FSD2: variants seen among roughly 807,000 people sequenced by gnomAD.
The protein encoded by FSD2 is fibronectin type III and SPRY domain containing 2.
Under a neutral mutation model 80.4 loss-of-function variants are expected in FSD2, and 71 were observed. The ratio of observed to expected loss-of-function variants is 0.88; its 90% CI spans 0.73 to 1.08. The LOEUF is 1.08. Ranked by LOEUF, FSD2 falls within the 50% of genes least tolerant of loss-of-function variation. The probability of loss-of-function intolerance (pLI) is 0.00; values close to 1 mark genes in which losing one functional copy is unlikely to be tolerated. For missense variants in FSD2, 923 were observed against 913.8 expected (o/e 1.01, Z -0.13); for synonymous variants, 361 against 329.5 (o/e 1.10, Z -1.03).
At position 82,787,387 on chromosome 15, in the gene FSD2, C is replaced by T. The variant is rs1462617122; in HGVS notation, c.4G>A (p.Glu2Lys). 1.2e-6 allele frequency: 2 copies of T among 1,601,332 alleles called. No homozygotes were observed. Among genetic ancestry groups the T allele is most frequent in the South Asian group, 2.2e-5 (2 of 88,956 alleles). M[E>K]EESGEELGLD... Reference sequence around the variant, plus strand: ...CCCAGTTCCTCCCCCGATTCCTCCTCCATTGTAACTCTGGAAGTCCTCAGA... The same window carrying T: ...CCCAGTTCCTCCCCCGATTCCTCCTTCATTGTAACTCTGGAAGTCCTCAGA... Residue 2 changes from glutamate to lysine, a missense_variant, in exon 2 of 13, where the codon GAG (glutamate) becomes AAG (lysine). Coordinates refer to ENST00000334574, the MANE Select transcript of FSD2 (RefSeq NM_001007122.4).
At position 82,769,046 on chromosome 15, in the gene FSD2, A is replaced by G. The variant is rs1261781293; in HGVS notation, c.1403-16T>C. Reference sequence around the variant, plus strand: ...GGAGAAGGTGCTAAATGTGGGAGAAAGGGAGAGATGAACAACTGTTGTGTT... The same window carrying G: ...GGAGAAGGTGCTAAATGTGGGAGAAGGGGAGAGATGAACAACTGTTGTGTT... On this transcript the variant is annotated splice_polypyrimidine_tract_variant and intron_variant, in intron 8 of 12. Transcript: ENST00000334574. The G allele has an allele frequency of 4.5e-6, 7 of 1,554,426 alleles. No homozygotes were observed. The highest frequency in any genetic ancestry group is 6.1e-6 in the Non-Finnish European group (7 of 1,152,682).
rs1233245224 is a variant in FSD2, at chr15:82,782,090, AATAATAATAATAAT to A, written c.966+691_966+704del. Among the ~76,000 whole-genome samples the A allele has an allele frequency of 7.2e-4, 92 of 127,670 alleles. 1 individual carries two copies. Among genetic ancestry groups the A allele is most frequent in the African/African-American group, 2.5e-3 (85 of 33,476 alleles). 83.8% of individuals were successfully genotyped at this position (127,670 alleles called of 152,430 possible). A position where few individuals can be genotyped will look rare whatever the true frequency, so the allele number is the denominator to read the frequency against. On this transcript the variant is annotated intron_variant, in intron 4 of 12. Coordinates refer to ENST00000334574, the MANE Select transcript of FSD2 (RefSeq NM_001007122.4). ...AAATAATAATAATAATAATAATAAT[AATAATAATAATAAT>A]AAAACTCTTGGCCGGGCATGGTGGC...
intron 9 of FSD2, among the ~76,000 whole-genome samples, chr15:82,766,693 G>C (rs2049430266): frequency 6.8e-6 from 1 of 146,568 alleles, no homozygotes; most frequent in Non-Finnish European, 1.5e-5. Flanking sequence ...AGTGAACCGA[G>C]ATCATCACGC....
chr15:82,769,820 A>G lies in FSD2; in HGVS notation c.1332T>C (p.Tyr444=), dbSNP rs772022441. 28 of 1,613,750 alleles carry G rather than the reference A, an allele frequency of 1.7e-5. No individual in the cohort carries two copies. The highest frequency in any genetic ancestry group is 2.2e-5 in the East Asian group (1 of 44,888). The part of the protein sequence containing the change: ...SVTNLVPNTQ[Y]EFWVTAHNRA... ...TGTTGTGAGCTGTGACCCAAAATTC[A>G]TACTGGGTATTTGGCACAAGGTTTG... The change falls in exon 8 of 13, where the codon TAT becomes TAC. Residue 444 remains tyrosine, a synonymous_variant. Coordinates refer to ENST00000334574, the MANE Select transcript of FSD2 (RefSeq NM_001007122.4).
chr15:82,797,032 A>AC (rs1454114577), intron 1 of FSD2, among the ~76,000 whole-genome samples: 7 of 126,814 alleles, frequency 5.5e-5, no homozygotes, highest in African/African-American at 1.1e-4. Flanking sequence ...AAAAAAAAAA[A>AC]AAAAAAAAAC....
intron 1 of FSD2, among the ~76,000 whole-genome samples, chr15:82,790,466 C>T (rs1311834298): frequency 6.6e-6 from 1 of 152,064 alleles, no homozygotes; most frequent in East Asian, 1.9e-4. Flanking sequence ...CATCTTATGC[C>T]TGCTTCTTGG....
intron 11 of FSD2, among the ~76,000 whole-genome samples, chr15:82,762,564 G>C (rs544546092): frequency 6.6e-6 from 1 of 152,206 alleles, no homozygotes; most frequent in East Asian, 1.9e-4. Context: ...CATAGAAAAA[G>C]GTTTGGTTCA....
intron 3 of FSD2, 96 bp downstream of exon 3, chr15:82,786,415 A>T: frequency 1.1e-6 from 1 of 951,292 alleles, no homozygotes; most frequent in Non-Finnish European, 1.6e-6. Flanking sequence ...ACATTCTAAG[A>T]AAACAGATTC....
At chr15:82,764,903 T>G (rs2049377392) in intron 11 of FSD2, among the ~76,000 whole-genome samples, 1 of 152,058 alleles carries the variant, frequency 6.6e-6, no homozygotes, top group Non-Finnish European at 1.5e-5. Flanking sequence ...TCTGGCAGCC[T>G]AGGACCCAGG....
At chr15:82,790,544 T>TTGTGTGTGCGTGTG in intron 1 of FSD2, among the ~76,000 whole-genome samples, 1 of 148,786 alleles carries the variant, frequency 6.7e-6, no homozygotes, top group East Asian at 2.0e-4. Flanking sequence ...GAGCTGCCAT[T>TTGTGTGTGCGTGTG]TGTGTGTGTG....
chr15:82,801,097 G>T (rs1344642785), intron 1 of FSD2, among the ~76,000 whole-genome samples: 2 of 152,148 alleles, frequency 1.3e-5, no homozygotes, highest in South Asian at 4.1e-4. Flanking sequence ...TTCAGTGCCA[G>T]CTTCCTTGTG....
At chr15:82,803,257 C>T (rs761898204) in intron 1 of FSD2, among the ~76,000 whole-genome samples, 6 of 152,140 alleles carry the variant, frequency 3.9e-5, no homozygotes, top group Non-Finnish European at 8.8e-5. Flanking sequence ...TGACTGCGCG[C>T]ACCATGGTCC....
In FSD2 at chr15:82,787,195, C is replaced by T; in HGVS notation, c.196G>A (p.Asp66Asn). 6.2e-7 allele frequency: 1 copy of T among 1,614,002 alleles called. No individual in the cohort carries two copies. The highest frequency in any genetic ancestry group is 8.5e-7 in the Non-Finnish European group (1 of 1,179,886). ...RGAGDGKAQR[D>N]LQEEVDELVH... ...AGTTCATCCACTTCCTCTTGAAGGT[C>T]TCTTTGAGCCTTACCATCCCCTGCT... is the stretch of plus-strand genomic sequence containing the variant. The change falls in exon 2 of 13, where the codon GAC (aspartate) becomes AAC (asparagine). Residue 66 changes from aspartate to asparagine, a missense_variant. Physicochemically the swap from Asp to Asn is conservative, Grantham distance 23. Transcript: ENST00000334574.
At chr15:82,763,882 C>T (rs2049347328) in intron 11 of FSD2, among the ~76,000 whole-genome samples, 1 of 152,244 alleles carries the variant, frequency 6.6e-6, no homozygotes, top group Non-Finnish European at 1.5e-5. Context: ...CTCTTCCCGT[C>T]ATGGATCCTA....
chr15:82,759,138 T>A lies in FSD2; in HGVS notation c.*210A>T, dbSNP rs1007762558. ...GCCTTTATTTTACAGCTGGGCCTGGTAATGACTATCCTAGCAGCACACAGG... is the reference window on the plus strand; with the variant it reads ...GCCTTTATTTTACAGCTGGGCCTGGAAATGACTATCCTAGCAGCACACAGG... On this transcript the variant is annotated 3_prime_UTR_variant, in exon 13 of 13. Coordinates refer to ENST00000334574, the MANE Select transcript of FSD2 (RefSeq NM_001007122.4). The A allele has an allele frequency of 3.6e-6, 2 of 555,204 alleles. No individual in the cohort carries two copies. Among genetic ancestry groups the A allele is most frequent in the African/African-American group, 3.8e-5 (2 of 52,908 alleles). The allele number at this position is 555,204 out of a possible 1,614,324, so 34.4% of individuals were successfully genotyped here. A position where few individuals can be genotyped will look rare whatever the true frequency, so the allele number is the denominator to read the frequency against.
intron 6 of FSD2, among the ~76,000 whole-genome samples, chr15:82,775,180 C>T (rs1567306217): frequency 1.3e-5 from 2 of 151,202 alleles, no homozygotes; most frequent in Admixed American, 6.6e-5. Flanking sequence ...AGGTGGGTCA[C>T]GAGGTCAGGA....
rs34527251 is a variant in FSD2 at position 82,778,127 on chromosome 15, C to CATATATATATATATATATAT, written c.1111+619_1111+638dup. Among the ~76,000 whole-genome samples the CATATATATATATATATATAT allele has an allele frequency of 6.8e-3, 571 of 83,826 alleles. 12 individuals carry two copies. The highest frequency in any genetic ancestry group is 9.0e-3 in the African/African-American group (153 of 17,030). The allele number at this position is 83,826 out of a possible 152,430, so 55.0% of individuals were successfully genotyped here. A position where few individuals can be genotyped will look rare whatever the true frequency, so the allele number is the denominator to read the frequency against. On this transcript the variant is annotated intron_variant, in intron 6 of 12. Transcript: ENST00000334574. ...CTCTGAAAAAAAAACACAAAAAAAC[C>CATATATATATATATATATAT]ATATATATATATATATATATATATA...
At position 82,759,467 on chromosome 15, in the gene FSD2, G is replaced by C; in HGVS notation, c.2131C>G (p.Leu711Val). The C allele has an allele frequency of 1.9e-6, 3 of 1,613,558 alleles. No homozygotes were observed. Among genetic ancestry groups the C allele is most frequent in the Non-Finnish European group, 2.5e-6 (3 of 1,179,688 alleles). The change falls in exon 13 of 13, where the codon CTA becomes GTA. Residue 711 changes from leucine to valine, a missense_variant. By Grantham distance (32) the Leu-to-Val change is conservative (BLOSUM62 1). Transcript: ENST00000334574. Reference sequence around the variant, plus strand: ...TGAAGCTGACAACTAAATGTATATAGATGCTGAGAAAGGTCCACATTGAAA... The same window carrying C: ...TGAAGCTGACAACTAAATGTATATACATGCTGAGAAAGGTCCACATTGAAA... Reference protein sequence around the residue: ...SFFNVDLSQHLYTFSCQLHEF... With the variant: ...SFFNVDLSQHVYTFSCQLHEF...
rs2151489511 is a variant in FSD2, at chr15:82,765,229, G to A, written c.1757C>T (p.Ala586Val). 2.5e-6 allele frequency: 4 copies of A among 1,612,782 alleles called. No individual in the cohort carries two copies. Among genetic ancestry groups the A allele is most frequent in the African/African-American group, 1.3e-5 (1 of 74,968 alleles). The change falls in exon 11 of 13, where the codon GCT (alanine) becomes GTT (valine). Residue 586 changes from alanine (A) to valine (V), a missense_variant. Physicochemically the swap from Ala to Val is moderately conservative, Grantham distance 64 (BLOSUM62 0). Coordinates refer to ENST00000334574, the MANE Select transcript of FSD2 (RefSeq NM_001007122.4). ...GGGGGTTCTCCTTTCACTTCGTACA[G>A]CCGTAAGTCCGTCTTCAGAAATGGT... ...WLTISEDGLT[A>V]VRSERRTPAR... is the part of the protein sequence containing the mutation.
Sources: gnomAD v4.1 joint callset for allele counts (sites outside exome capture counted in the v4.1 genomes callset) on GRCh38, gnomAD v4.1.1 for gene constraint, MANE v1.5 for transcripts, NCBI Gene and HGNC (gene_info 2026-07-23, HGNC 2026-07-21) for gene names.